The following SERINC3 variants were observed in gnomAD, a reference collection of about 807,000 sequenced individuals.
The protein encoded by SERINC3 is tumor differentially expressed protein 1.
Under a neutral mutation model 52.1 loss-of-function variants are expected in SERINC3, and 22 were observed. The ratio of observed to expected loss-of-function variants is 0.42; its 90% CI spans 0.30 to 0.60. The LOEUF (loss-of-function observed/expected upper bound fraction) is 0.60. Among genes scored for constraint, SERINC3 ranks in the 20% least tolerant of loss-of-function variants. SERINC3 has a pLI of 0.16. For synonymous variants in SERINC3, 226 were observed against 212.7 expected, an observed-to-expected ratio of 1.06 and a Z score of -0.54; for missense variants, 564 against 584.6, an observed-to-expected ratio of 0.96 and a Z score of 0.36.
intron 7 of SERINC3, among the ~76,000 whole-genome samples, 179 bp downstream of exon 7, chr20:44,504,622 T>C (rs1224087808): frequency 3.3e-5 from 5 of 152,324 alleles, no homozygotes; most frequent in East Asian, 1.9e-4. Context: ...TAGCTATCAA[T>C]AGATGTGGGG....
Position 44,501,336 on chromosome 20 carries a change from G to C in SERINC3, c.1056-36C>G, listed in dbSNP as rs755401561. On this transcript the variant is annotated intron_variant, in intron 8 of 9. Coordinates refer to ENST00000342374, the MANE Select transcript of SERINC3 (RefSeq NM_006811.4). ...ATCCCAAGGAAGACAAATCAGAAAG[G>C]GGCCATGACAATGAACTGCTGCCAC... The C allele has an allele frequency of 4.3e-5, 68 of 1,566,798 alleles. 1 individual carries two copies. Among genetic ancestry groups the C allele is most frequent in the Non-Finnish European group, 1.4e-5 (16 of 1,138,566 alleles).
chr20:44,506,584 C>CAAAAAAAA lies in SERINC3; in HGVS notation c.783+235_783+242dup, dbSNP rs1191331026. On this transcript the variant is annotated intron_variant, in intron 6 of 9. Coordinates refer to ENST00000342374, the MANE Select transcript of SERINC3 (RefSeq NM_006811.4). ...TGGTTGACAGAGCGAGACTCCATCT[C>CAAAAAAAA]AAAAAAAAAAAAAAAAAAAAAAAAA... Among the ~76,000 whole-genome samples, 104 of 14,248 alleles carry CAAAAAAAA rather than the reference C, an allele frequency of 7.3e-3. 11 individuals are homozygous for CAAAAAAAA. Among genetic ancestry groups the CAAAAAAAA allele is most frequent in the Non-Finnish European group, 8.2e-3 (60 of 7,294 alleles). The allele number at this position is 14,248 out of a possible 152,430, so 9.3% of individuals were successfully genotyped here. A position where few individuals can be genotyped will look rare whatever the true frequency, so the allele number is the denominator to read the frequency against.
intron 5 of SERINC3, 51 bp downstream of exon 5, chr20:44,509,840 A>G: frequency 1.9e-6 from 3 of 1,584,352 alleles, no homozygotes; most frequent in Non-Finnish European, 2.6e-6. Flanking sequence ...TTTATTGTAC[A>G]CCGTGCTTAA....
rs902989165 is a variant in SERINC3, at chr20:44,506,967, T to C, written c.643A>G (p.Ile215Val). Residue 215 changes from isoleucine to valine, a missense_variant, in exon 6 of 10, where the codon ATC becomes GTC. Ile to Val is a conservative substitution (Grantham distance 29). Transcript: ENST00000342374. ...AGCCCGACACAGATGATTGACAGGATATAAAAGGCGCTTGTGAAAGACAGT... is the reference window on the plus strand; with the variant it reads ...AGCCCGACACAGATGATTGACAGGACATAAAAGGCGCTTGTGAAAGACAGT... The part of the protein sequence containing the change: ...ALLSFTSAFY[I>V]LSIICVGLLY... The C allele has an allele frequency of 1.4e-5, 22 of 1,605,664 alleles. No individual in the cohort carries two copies. Among genetic ancestry groups the C allele is most frequent in the Non-Finnish European group, 1.8e-5 (21 of 1,177,144 alleles).
chr20:44,516,639 G>A (rs2064382579), intron 1 of SERINC3, among the ~76,000 whole-genome samples: 2 of 152,048 alleles, frequency 1.3e-5, no homozygotes, highest in Admixed American at 6.6e-5. Context: ...TGATCTGCCC[G>A]CCTCCGCCTC....
At chr20:44,507,098 A>G (rs1375191581) in intron 5 of SERINC3, 102 bp from the exon 6 acceptor site, 9 of 830,032 alleles carry the variant, frequency 1.1e-5, no homozygotes, top group African/African-American at 1.1e-4. Context: ...ACATTATGTC[A>G]CTTTTCTGGG....
intron 7 of SERINC3, among the ~76,000 whole-genome samples, chr20:44,504,271 TTAAG>T (rs2064298090): frequency 1.3e-5 from 2 of 152,234 alleles, no homozygotes; most frequent in Non-Finnish European, 2.9e-5. Context: ...TTTTAATTCT[TTAAG>T]TGTCAAGGTT....
At position 44,514,033 on chromosome 20, in the gene SERINC3, C is replaced by T. The variant is rs1301949414; in HGVS notation, c.47G>A (p.Cys16Tyr). 4 of 1,613,690 alleles carry T rather than the reference C, an allele frequency of 2.5e-6. No homozygotes were observed. The stretch of plus-strand genomic sequence containing the variant: ...CAAACATGAGGCACCGCTGCAGAGG[C>T]ATGGAACCTGGAATGAGCACACCAT... Reference protein sequence around the residue: ...GVFSLASWVPCLCSGASCLLC... With the variant: ...GVFSLASWVPYLCSGASCLLC... The change falls in exon 2 of 10, where the codon TGC becomes TAC. Residue 16 changes from cysteine to tyrosine, a missense_variant. Cys to Tyr is a radical substitution (Grantham distance 194). Coordinates refer to ENST00000342374, the MANE Select transcript of SERINC3 (RefSeq NM_006811.4).
rs2064378380 is a variant in SERINC3, at chr20:44,516,031, T to C, written c.40-1991A>G. On this transcript the variant is annotated intron_variant, in intron 1 of 9. Coordinates refer to ENST00000342374, the MANE Select transcript of SERINC3 (RefSeq NM_006811.4). ...TTAAAGAGTAACCTAGGGCCAGGCG[T>C]GGTGGCTCACGCCTGTAATCCCAGC... is the stretch of plus-strand genomic sequence containing the variant. Among the ~76,000 whole-genome samples, 3 of 151,948 alleles carry C rather than the reference T, an allele frequency of 2.0e-5. No homozygotes were observed. In the South Asian group the frequency reaches 6.3e-4, roughly 32 times the overall value.
Position 44,500,332 on chromosome 20 carries a change from C to T in SERINC3, c.1386G>A (p.Val462=), listed in dbSNP as rs1228826947. Residue 462 remains valine, a synonymous_variant, in exon 10 of 10, where the codon GTG becomes GTA. Coordinates refer to ENST00000342374, the MANE Select transcript of SERINC3 (RefSeq NM_006811.4). ...CCCGACTGGTGAGGACAAGTGGAGC[C>T]ACAAGGGTCCAGACGTAAAGCAGGA... ...VCLLLYVWTL[V]APLVLTSRDF... 8 of 1,610,946 alleles carry T rather than the reference C, an allele frequency of 5.0e-6. No homozygotes were observed. The highest frequency in any genetic ancestry group is 6.8e-6 in the Non-Finnish European group (8 of 1,178,820).
Position 44,499,787 on chromosome 20 carries a change from G to A in SERINC3, c.*509C>T, listed in dbSNP as rs2064268176. ...TTCTAGGGAAGGGACCCACATATAC[G>A]ATCCTTCCCCAAGAACTTTGATGCT... On this transcript the variant is annotated 3_prime_UTR_variant, in exon 10 of 10. Transcript: ENST00000342374. 6.6e-6 allele frequency: 1 copy of A among 152,334 alleles called. No individual in the cohort carries two copies. The highest frequency in any genetic ancestry group is 2.4e-5 in the African/African-American group (1 of 41,422). The allele number at this position is 152,334 out of a possible 1,614,324, so 9.4% of individuals were successfully genotyped here.
chr20:44,510,684 C>T (rs67042088), intron 4 of SERINC3, among the ~76,000 whole-genome samples: 25,731 of 151,694 alleles, frequency 0.17, 2,787 homozygotes, highest in African/African-American at 0.31. Flanking sequence ...TGGTGGTGGG[C>T]GCCTGTAATC....
In SERINC3 at chr20:44,509,904, C is replaced by A. The variant is rs2064336685; in HGVS notation, c.600G>T (p.Arg200Ser). Residue 200 changes from arginine (R) to serine (S), a missense_variant, in exon 5 of 10, where the codon AGG (arginine) becomes AGT (serine). Physicochemically the swap from Arg to Ser is moderately radical, Grantham distance 110. Coordinates refer to ENST00000342374, the MANE Select transcript of SERINC3 (RefSeq NM_006811.4). ...WVNRMEEGNP[R>S]LWYAALLSFT... is the part of the protein sequence containing the mutation. ...AGAGATACCTACCAGCATACCACAA[C>A]CTTGGGTTTCCTTCTTCCATTCGAT... 6.2e-7 allele frequency: 1 copy of A among 1,613,982 alleles called. No individual in the cohort carries two copies. The highest frequency in any genetic ancestry group is 1.3e-5 in the African/African-American group (1 of 74,904).
intron 1 of SERINC3, 66 bp downstream of exon 1, chr20:44,521,847 G>C (rs1346620497): frequency 6.7e-7 from 1 of 1,488,544 alleles, no homozygotes; most frequent in African/African-American, 1.4e-5. Flanking sequence ...GGCCCGTGCA[G>C]CTCTGGTCTC....
intron 4 of SERINC3, among the ~76,000 whole-genome samples, chr20:44,510,739 A>T (rs904508378): frequency 6.6e-6 from 1 of 151,976 alleles, no homozygotes; most frequent in Non-Finnish European, 1.5e-5. Context: ...TGAACCCAGG[A>T]GGTGGAGGTT....
intron 4 of SERINC3, among the ~76,000 whole-genome samples, chr20:44,510,810 A>AAT (rs561439114): frequency 0.02 from 3,028 of 149,356 alleles, 52 homozygotes; most frequent in South Asian, 0.051. Flanking sequence ...GACTGTCTAA[A>AAT]ATATATATAT....
chr20:44,497,658 ACC>A lies in SERINC3; in HGVS notation c.*2636_*2637del, dbSNP rs2064255714. 1 of 152,242 alleles carries A rather than the reference ACC, an allele frequency of 6.6e-6. No homozygotes were observed. The highest frequency in any genetic ancestry group is 2.4e-5 in the African/African-American group (1 of 41,418). 9.4% of individuals were successfully genotyped at this position (152,242 alleles called of 1,614,324 possible). A position where few individuals can be genotyped will look rare whatever the true frequency, so the allele number is the denominator to read the frequency against. The stretch of plus-strand genomic sequence containing the variant: ...ATAAGGGGCTACATTTCCCCATCTG[ACC>A]CTCAAATCCCTTGAAACGCTATACC... On this transcript the variant is annotated 3_prime_UTR_variant, in exon 10 of 10. Transcript: ENST00000342374.
At position 44,512,959 on chromosome 20, in the gene SERINC3, A is replaced by G. The variant is rs771044296; in HGVS notation, c.237T>C (p.His79=). ...PGFCEGGFKI[H]EADINADKDC... ...CTTTATCTGCATTTATATCAGCCTC[A>G]TGGATTTTAAATCCCCCTTCACAAA... The change falls in exon 3 of 10, where the codon CAT becomes CAC. Residue 79 remains histidine, a synonymous_variant. Transcript: ENST00000342374. 1.3e-6 allele frequency: 2 copies of G among 1,511,832 alleles called. No individual in the cohort carries two copies. Among genetic ancestry groups the G allele is most frequent in the Non-Finnish European group, 1.8e-6 (2 of 1,139,220 alleles). The allele number at this position is 1,511,832 out of a possible 1,614,324, so 93.7% of individuals were successfully genotyped here. A position where few individuals can be genotyped will look rare whatever the true frequency, so the allele number is the denominator to read the frequency against.
chr20:44,504,913 A>G (rs767174242), intron 6 of SERINC3, 22 bp from the exon 7 acceptor site: 3 of 1,600,962 alleles, frequency 1.9e-6, no homozygotes, highest in Admixed American at 3.3e-5. Context: ...AAAGGAAAAC[A>G]GTGGCACAGG....
Sources: gnomAD v4.1 joint callset for allele counts (sites outside exome capture counted in the v4.1 genomes callset) on GRCh38, gnomAD v4.1.1 for gene constraint, MANE v1.5 for transcripts, NCBI Gene and HGNC (gene_info 2026-07-23, HGNC 2026-07-21) for gene names.